SNX29: variants seen among roughly 807,000 people sequenced by gnomAD.
SNX29 encodes the protein sorting nexin 29.
A neutral mutation model predicts 102.1 loss-of-function variants in SNX29; 78 were observed. The observed-to-expected ratio is 0.76, with a 90% CI of 0.64 to 0.92. The LOEUF is 0.92. Among genes scored for constraint, SNX29 ranks in the 40% least tolerant of loss-of-function variants. The probability of loss-of-function intolerance (pLI) is 0.00; values close to 1 mark genes in which losing one functional copy is unlikely to be tolerated. For synonymous variants in SNX29, 580 were observed against 414.5 expected (o/e 1.40, Z -4.85); for missense variants, 1,280 against 1,061.7 (o/e 1.21, Z -2.86).
chr16:12,307,154 A>C (rs1369187820), intron 15 of SNX29, among the ~76,000 whole-genome samples: 1 of 152,158 alleles, frequency 6.6e-6, no homozygotes, highest in East Asian at 1.9e-4. Context: ...TGCTCTGTCA[A>C]CTGGAATGGC....
At chr16:12,176,823 G>A (rs185559429) in intron 13 of SNX29, among the ~76,000 whole-genome samples, 29 of 152,266 alleles carry the variant, frequency 1.9e-4, no homozygotes, top group African/African-American at 6.3e-4. Flanking sequence ...ATTCTCATTT[G>A]TTCTCAGTGA....
At chr16:12,496,286 G>T (rs1456962635) in intron 19 of SNX29, among the ~76,000 whole-genome samples, 8 of 152,190 alleles carry the variant, frequency 5.3e-5, no homozygotes, top group African/African-American at 1.9e-4. Context: ...CAAGTCAGGG[G>T]TTGTGTTTCC....
chr16:12,088,024 C>G (rs1417205788), intron 11 of SNX29: 1 of 456,680 alleles, frequency 2.2e-6, no homozygotes, highest in South Asian at 1.5e-5. Flanking sequence ...GAGCACTGCC[C>G]TGTCTCGTTC....
intron 3 of SNX29, among the ~76,000 whole-genome samples, chr16:12,015,748 G>A (rs1330298078): frequency 6.6e-6 from 1 of 150,738 alleles, no homozygotes; most frequent in Admixed American, 6.6e-5. Context: ...TGTTAGCCAG[G>A]ATGGTCTCGA....
chr16:12,539,847 A>G (rs146871751), intron 20 of SNX29, among the ~76,000 whole-genome samples: 12 of 152,318 alleles, frequency 7.9e-5, no homozygotes, highest in African/African-American at 2.2e-4. Context: ...GGAAGTAAGT[A>G]AGTGTCCAAG....
intron 18 of SNX29, among the ~76,000 whole-genome samples, chr16:12,406,392 G>A (rs370279505): frequency 6.6e-6 from 1 of 152,176 alleles, no homozygotes; most frequent in African/African-American, 2.4e-5. Flanking sequence ...AAAAAGGATA[G>A]AGTAGACAAT....
chr16:12,563,893 C>T (rs763106560), intron 20 of SNX29, among the ~76,000 whole-genome samples: 4 of 152,220 alleles, frequency 2.6e-5, no homozygotes, highest in Admixed American at 6.5e-5. Flanking sequence ...GGGCCTCTGC[C>T]GTCTCTGGAG....
chr16:12,428,048 G>GT (rs762581263), intron 18 of SNX29, among the ~76,000 whole-genome samples: 4 of 152,232 alleles, frequency 2.6e-5, no homozygotes, highest in Non-Finnish European at 2.9e-5. Context: ...AAATGTGAAT[G>GT]TAAGAGTAGG....
At chr16:12,401,438 C>G (rs1369043319) in intron 17 of SNX29, among the ~76,000 whole-genome samples, 1 of 139,654 alleles carries the variant, frequency 7.2e-6, no homozygotes, top group East Asian at 2.1e-4. Flanking sequence ...GACCTTGGCT[C>G]ACTGCAACCT....
At chr16:12,152,850 A>G (rs1019412620) in intron 13 of SNX29, among the ~76,000 whole-genome samples, 22 of 152,362 alleles carry the variant, frequency 1.4e-4, no homozygotes, top group Admixed American at 9.1e-4. Flanking sequence ...CGTGGTTGCC[A>G]GTGAGCAAGG....
At chr16:12,129,236 T>C (rs574526780) in intron 12 of SNX29, among the ~76,000 whole-genome samples, 2 of 152,340 alleles carry the variant, frequency 1.3e-5, no homozygotes, top group South Asian at 4.1e-4. Flanking sequence ...TGGCATCCTT[T>C]CCTTGGTTAA....
chr16:12,109,433 C>T (rs2053413539), intron 11 of SNX29, among the ~76,000 whole-genome samples: 1 of 152,128 alleles, frequency 6.6e-6, no homozygotes, highest in Non-Finnish European at 1.5e-5. Context: ...TCATGATTGC[C>T]AAGCTCTCAT....
At chr16:12,359,052 T>C (rs11645864) in intron 16 of SNX29, among the ~76,000 whole-genome samples, 78,483 of 152,102 alleles carry the variant, frequency 0.52, 20,777 homozygotes, top group Non-Finnish European at 0.58. Context: ...CGCATTTTAT[T>C]GCTAGTGAGT....
rs188066494 is a variant in SNX29, at chr16:12,215,202, G to A, written c.1678+15519G>A. 2.2e-3 allele frequency among the ~76,000 whole-genome samples: 332 copies of A among 152,128 alleles called. 1 individual carries two copies. The highest frequency in any genetic ancestry group is 3.8e-3 in the Non-Finnish European group (256 of 67,996). ...ACACGGGAGAACTGAAGCTTAGAAA[G>A]GTCAGAGACCGGCTGGGCACGGCGG... On this transcript the variant is annotated intron_variant, in intron 14 of 20. Transcript: ENST00000566228.
At chr16:12,539,458 A>C (rs192921511) in intron 20 of SNX29, among the ~76,000 whole-genome samples, 4 of 152,326 alleles carry the variant, frequency 2.6e-5, no homozygotes, top group Admixed American at 2.6e-4. Flanking sequence ...AGTTTGGTTA[A>C]ATGGATATAC....
At chr16:12,534,289 G>C (rs550863838) in intron 20 of SNX29, among the ~76,000 whole-genome samples, 7 of 152,220 alleles carry the variant, frequency 4.6e-5, no homozygotes, top group Non-Finnish European at 8.8e-5. Flanking sequence ...GTCTTTCTCC[G>C]TGTGGGAGAC....
chr16:12,359,722 T>C (rs1488311796), intron 16 of SNX29, among the ~76,000 whole-genome samples: 1 of 152,260 alleles, frequency 6.6e-6, no homozygotes, highest in Non-Finnish European at 1.5e-5. Context: ...CAACTCACAT[T>C]ATTTGGATGT....
rs746129259 is a variant in SNX29, at chr16:12,443,027, G to T, written c.2038-34692G>T. 40 of 455,930 alleles carry T rather than the reference G, an allele frequency of 8.8e-5. 2 individuals are homozygous for T. Among genetic ancestry groups the T allele is most frequent in the South Asian group, 5.7e-4 (37 of 64,536 alleles). The allele number at this position is 455,930 out of a possible 1,614,324, so 28.2% of individuals were successfully genotyped here. On this transcript the variant is annotated intron_variant, in intron 18 of 20. Coordinates refer to ENST00000566228, the MANE Select transcript of SNX29 (RefSeq NM_032167.5). ...AAAATGTGAAAATCATTCTTAGTCT[G>T]TGGGCCGTATGAAAACAGCCAGCAG...
chr16:12,166,068 G>A (rs1361704584), intron 13 of SNX29, among the ~76,000 whole-genome samples: 1 of 152,230 alleles, frequency 6.6e-6, no homozygotes, highest in African/African-American at 2.4e-5. Flanking sequence ...TCTATTCATG[G>A]TAGTAGTATT....
Sources: allele counts gnomAD v4.1 joint callset (sites outside exome capture counted in the v4.1 genomes callset), GRCh38; gene constraint gnomAD v4.1.1; transcripts MANE v1.5; gene names NCBI Gene and HGNC (gene_info 2026-07-23, HGNC 2026-07-21).